Variants in SPART observed in about 807,000 individuals in gnomAD.
SPART encodes spartin.
A neutral mutation model predicts 58.7 loss-of-function variants in SPART; 35 were observed. The ratio of observed to expected loss-of-function variants is 0.60; its 90% CI spans 0.46 to 0.79. The LOEUF is 0.79. Ranked by LOEUF, SPART falls within the 30% of genes least tolerant of loss-of-function variation. SPART has a pLI of 0.00. For missense variants in SPART, 730 were observed against 786.1 expected (o/e 0.93, Z 0.85); for synonymous variants, 284 against 280.7 (o/e 1.01, Z -0.12).
chr13:36,332,684 G>A (rs546819097), intron 2 of SPART, among the ~76,000 whole-genome samples: 17 of 152,258 alleles, frequency 1.1e-4, no homozygotes, highest in East Asian at 5.8e-4. Context: ...TGTCATCTGC[G>A]GAGGTCGGCT....
chr13:36,324,747 C>A (rs958839607), intron 5 of SPART, among the ~76,000 whole-genome samples: 3 of 152,126 alleles, frequency 2.0e-5, no homozygotes, highest in African/African-American at 7.2e-5. Context: ...GTTTATTTCA[C>A]CTGGGTGCAA....
At chr13:36,310,531 G>A (rs2137299967) in intron 8 of SPART, among the ~76,000 whole-genome samples, 1 of 152,210 alleles carries the variant, frequency 6.6e-6, no homozygotes, top group South Asian at 2.1e-4. Context: ...GACATAAGTT[G>A]CTTGAAACCT....
intron 5 of SPART, among the ~76,000 whole-genome samples, chr13:36,319,340 TATAAG>T (rs1293947110): frequency 6.8e-6 from 1 of 147,126 alleles, no homozygotes; most frequent in Admixed American, 6.8e-5. Flanking sequence ...AACCCACAAG[TATAAG>T]ATACCTCTAC....
At position 36,326,593 on chromosome 13, in the gene SPART, C is replaced by T. The variant is rs576884318; in HGVS notation, c.1270G>A (p.Ala424Thr). The part of the protein sequence containing the change: ...KELPEWSEKV[A>T]HNILSGASWV... ...GTAATACCTGACAAAATGTTGTGAG[C>T]CACTTTTTCACTCCATTCAGGTAAT... Residue 424 changes from alanine to threonine, a missense_variant, in exon 5 of 9, where the codon GCT (alanine) becomes ACT (threonine). Physicochemically the swap from Ala to Thr is moderately conservative, Grantham distance 58. Coordinates refer to ENST00000438666, the MANE Select transcript of SPART (RefSeq NM_015087.5). 107 of 1,613,346 alleles carry T rather than the reference C, an allele frequency of 6.6e-5. No individual in the cohort carries two copies. In the South Asian group the frequency reaches 1.2e-3, roughly 17 times the overall value.
Position 36,314,364 on chromosome 13 carries a change from A to C in SPART, c.1346T>G (p.Ile449Ser). ...VKGAEITGKA[I>S]QKGASKLRER... ...TCGGAGTTTAGAAGCACCTTTCTGG[A>C]TTGCCTTACCAGTAATCTCAGCACC... The change falls in exon 6 of 9, where the codon ATC becomes AGC. Residue 449 changes from isoleucine (I) to serine (S), a missense_variant. Physicochemically the swap from Ile to Ser is moderately radical, Grantham distance 142. Coordinates refer to ENST00000438666, the MANE Select transcript of SPART (RefSeq NM_015087.5). 1.9e-6 allele frequency: 3 copies of C among 1,614,084 alleles called. No individual in the cohort carries two copies. The highest frequency in any genetic ancestry group is 2.5e-6 in the Non-Finnish European group (3 of 1,180,010).
intron 4 of SPART, 23 bp from the exon 5 acceptor site, chr13:36,326,721 A>G: frequency 6.2e-7 from 1 of 1,611,536 alleles, no homozygotes; most frequent in South Asian, 1.1e-5. Flanking sequence ...AATGTTTCAA[A>G]ATGTGAAGAG....
intron 5 of SPART, among the ~76,000 whole-genome samples, chr13:36,323,393 G>T (rs867417821): frequency 5.9e-5 from 9 of 152,128 alleles, no homozygotes; most frequent in African/African-American, 2.2e-4. Context: ...CTGCATAGCC[G>T]CTGCCTTCTT....
chr13:36,360,676 G>A (rs1289586385), intron 1 of SPART: 1 of 152,572 alleles, frequency 6.6e-6, no homozygotes, highest in Admixed American at 6.6e-5. Flanking sequence ...ATCTTTAAAG[G>A]CATGTGTTTT....
chr13:36,365,230 C>A (rs928775833), intron 1 of SPART, among the ~76,000 whole-genome samples: 1 of 152,164 alleles, frequency 6.6e-6, no homozygotes, highest in Non-Finnish European at 1.5e-5. Flanking sequence ...ATAGGAGCAA[C>A]AGATGGTTAA....
At chr13:36,368,730 G>A (rs1230599122) in intron 1 of SPART, among the ~76,000 whole-genome samples, 1 of 152,170 alleles carries the variant, frequency 6.6e-6, no homozygotes, top group African/African-American at 2.4e-5. Context: ...TTGGCTGGGC[G>A]CAGTGGCTCA....
chr13:36,350,694 T>C (rs1351262390), upstream of SPART, among the ~76,000 whole-genome samples: 2 of 152,142 alleles, frequency 1.3e-5, no homozygotes, highest in African/African-American at 2.4e-5. Flanking sequence ...GTGGCTGAGG[T>C]CTTTAAATGA....
chr13:36,325,956 G>A (rs1251515999), intron 5 of SPART: 1 of 152,292 alleles, frequency 6.6e-6, no homozygotes, highest in Non-Finnish European at 1.5e-5. Context: ...CACAATTCTA[G>A]AGGCTGGGAA....
chr13:36,367,461 T>C (rs1356155196), intron 1 of SPART, among the ~76,000 whole-genome samples: 1 of 152,176 alleles, frequency 6.6e-6, no homozygotes, highest in Non-Finnish European at 1.5e-5. Context: ...AGCCTCTGCA[T>C]ATATACCTGG....
intron 8 of SPART, among the ~76,000 whole-genome samples, chr13:36,310,884 T>TGA (rs1349271331): frequency 1.3e-5 from 2 of 152,176 alleles, no homozygotes; most frequent in African/African-American, 4.8e-5. Flanking sequence ...ACCCACTGGT[T>TGA]GAGCACTCTG....
At chr13:36,349,089 C>G (rs1322797763), upstream of SPART, among the ~76,000 whole-genome samples, 1 of 152,108 alleles carries the variant, frequency 6.6e-6, no homozygotes, top group African/African-American at 2.4e-5. Flanking sequence ...CATGAAGAAA[C>G]CCGGTCTCTA....
At chr13:36,322,151 A>G (rs1487070805) in intron 5 of SPART, among the ~76,000 whole-genome samples, 1 of 152,166 alleles carries the variant, frequency 6.6e-6, no homozygotes, top group Non-Finnish European at 1.5e-5. Flanking sequence ...TGTTGCTCAC[A>G]CAAAGCCCGT....
chr13:36,355,074 T>C (rs1406460912), intron 1 of SPART, among the ~76,000 whole-genome samples: 1 of 152,240 alleles, frequency 6.6e-6, no homozygotes, highest in East Asian at 1.9e-4. Flanking sequence ...ACCTGCTTTG[T>C]ATCAGGCAAT....
intron 8 of SPART, among the ~76,000 whole-genome samples, chr13:36,305,329 T>C (rs1880410888): frequency 6.6e-6 from 1 of 152,128 alleles, no homozygotes; most frequent in African/African-American, 2.4e-5. Context: ...CTCTTGACAA[T>C]CGATTCCCCT....
chr13:36,331,177 G>T (rs578206956), intron 3 of SPART, among the ~76,000 whole-genome samples: 1 of 152,282 alleles, frequency 6.6e-6, no homozygotes, highest in African/African-American at 2.4e-5. Context: ...GTCATTAAGT[G>T]GAAGAGTTTG....
Sources: allele counts gnomAD v4.1 joint callset (sites outside exome capture counted in the v4.1 genomes callset), GRCh38; gene constraint gnomAD v4.1.1; transcripts MANE v1.5; gene names NCBI Gene and HGNC (gene_info 2026-07-23, HGNC 2026-07-21).